SP140: variants seen among roughly 807,000 people sequenced by gnomAD.
The protein encoded by SP140 is nuclear body protein SP140.
Under a neutral mutation model 125.0 loss-of-function variants are expected in SP140, and 81 were observed. That is an observed-to-expected ratio of 0.65 (90% CI 0.54 to 0.78). The LOEUF is 0.78. Ranked by LOEUF, SP140 falls within the 30% of genes least tolerant of loss-of-function variation. The probability of loss-of-function intolerance (pLI) is 0.00; values close to 1 mark genes in which losing one functional copy is unlikely to be tolerated. For synonymous variants in SP140, 312 were observed against 354.0 expected (o/e 0.88, Z 1.33); for missense variants, 858 against 1,037.0 (o/e 0.83, Z 2.37).
chr2:230,275,678 T>C (rs1322287435), intron 15 of SP140, among the ~76,000 whole-genome samples: 1 of 152,170 alleles, frequency 6.6e-6, no homozygotes, highest in Non-Finnish European at 1.5e-5. Context: ...AAGCGTCACA[T>C]GTGTCTCACT....
upstream of SP140, chr2:230,201,022 C>T (rs1440147620): frequency 4.3e-6 from 6 of 1,380,846 alleles, no homozygotes; most frequent in Non-Finnish European, 6.2e-6. Flanking sequence ...GAGAATCTCC[C>T]AGAGACCCAG....
rs555436610 is a variant in SP140 at position 230,252,338 on chromosome 2, G to T, written c.1058-978G>T. 1.3e-3 allele frequency among the ~76,000 whole-genome samples: 202 copies of T among 152,148 alleles called. 1 individual carries two copies. The highest frequency in any genetic ancestry group is 2.3e-3 in the Non-Finnish European group (156 of 68,004). On this transcript the variant is annotated intron_variant, in intron 10 of 26. Coordinates refer to ENST00000392045, the MANE Select transcript of SP140 (RefSeq NM_007237.5). ...TTGCCTTCATAGAGTAGCATTCTAT[G>T]AAGGTGTATGAAGATATAAGTGTAT...
intron 1 of SP140, chr2:230,212,458 A>G: frequency 6.6e-7 from 1 of 1,518,936 alleles, no homozygotes; most frequent in Middle Eastern, 1.7e-4. Flanking sequence ...ATTATTACAG[A>G]TTGCAGGGAC....
intron 1 of SP140, among the ~76,000 whole-genome samples, chr2:230,235,604 C>G (rs1045294542): frequency 2.6e-5 from 4 of 152,048 alleles, no homozygotes; most frequent in African/African-American, 9.7e-5. Flanking sequence ...ATGACCATTT[C>G]CTGGTGGGAT....
At chr2:230,269,766 G>A in intron 13 of SP140, 71 bp from the exon 14 acceptor site, 1 of 1,239,752 alleles carries the variant, frequency 8.1e-7, no homozygotes, top group Non-Finnish European at 1.2e-6. Flanking sequence ...AGAAGGGGGA[G>A]CAACAAGGGT....
At chr2:230,308,587 GC>G (rs1487934066) in intron 22 of SP140, among the ~76,000 whole-genome samples, 1 of 152,248 alleles carries the variant, frequency 6.6e-6, no homozygotes, top group Non-Finnish European at 1.5e-5. Flanking sequence ...CCACATGGGG[GC>G]TGCGCTCAGG....
At chr2:230,251,243 A>G (rs745922886) in intron 10 of SP140, among the ~76,000 whole-genome samples, 182 bp downstream of exon 10, 1 of 152,238 alleles carries the variant, frequency 6.6e-6, no homozygotes, top group Non-Finnish European at 1.5e-5. Context: ...GAATCTTGAT[A>G]TAGAAGTCTG....
intron 1 of SP140, among the ~76,000 whole-genome samples, chr2:230,209,729 C>G (rs774649247): frequency 5.9e-5 from 9 of 152,144 alleles, no homozygotes; most frequent in Non-Finnish European, 1.0e-4. Context: ...TATTTCAATA[C>G]CCCCAAATGC....
upstream of SP140, among the ~76,000 whole-genome samples, chr2:230,223,710 G>A (rs1403835583): frequency 6.6e-6 from 1 of 152,194 alleles, no homozygotes; most frequent in African/African-American, 2.4e-5. Flanking sequence ...TTGGAGTTGT[G>A]GGCAAATAGG....
downstream of SP140, among the ~76,000 whole-genome samples, chr2:230,315,996 G>A (rs1471062319): frequency 1.3e-5 from 2 of 152,202 alleles, no homozygotes; most frequent in East Asian, 1.9e-4. Context: ...CAGGATGTAG[G>A]TTGAGAAGCA....
Position 230,235,878 on chromosome 2 carries a change from T to G in SP140, c.60-1205T>G, listed in dbSNP as rs921401669. 3.2e-4 allele frequency among the ~76,000 whole-genome samples: 45 copies of G among 141,096 alleles called. 1 individual carries two copies. The highest frequency in any genetic ancestry group is 1.1e-3 in the African/African-American group (42 of 37,236). 92.6% of individuals were successfully genotyped at this position (141,096 alleles called of 152,430 possible). ...GATTTTCTTGTGACTGTTTTTTTTT[T>G]TTTTTTTTTTTTTTTGAGATGGAGT... On this transcript the variant is annotated intron_variant, in intron 1 of 26. Coordinates refer to ENST00000392045, the MANE Select transcript of SP140 (RefSeq NM_007237.5).
At chr2:230,256,624 A>T (rs974102430) in intron 12 of SP140, among the ~76,000 whole-genome samples, 2 of 152,228 alleles carry the variant, frequency 1.3e-5, no homozygotes, top group Non-Finnish European at 2.9e-5. Context: ...ATACATATGT[A>T]ACAAACCTGC....
At chr2:230,207,731 C>T (rs2044026111) in intron 1 of SP140, among the ~76,000 whole-genome samples, 1 of 152,222 alleles carries the variant, frequency 6.6e-6, no homozygotes, top group Admixed American at 6.5e-5. Flanking sequence ...TGCATCTCCA[C>T]TGTCAGATCT....
chr2:230,250,137 A>G (rs1000503450), intron 9 of SP140, among the ~76,000 whole-genome samples: 3 of 152,214 alleles, frequency 2.0e-5, no homozygotes, highest in Non-Finnish European at 2.9e-5. Flanking sequence ...CTGTCAGTAA[A>G]GGGATGAATA....
chr2:230,217,245 C>CAAAAAAAA (rs6147220), intron 3 of SP140, among the ~76,000 whole-genome samples: 1 of 79,796 alleles, frequency 1.3e-5, no homozygotes, highest in South Asian at 4.7e-4. Context: ...GACTCCATCT[C>CAAAAAAAA]AAAAAAAAAA....
upstream of SP140, among the ~76,000 whole-genome samples, chr2:230,221,967 G>A (rs994374350): frequency 6.6e-6 from 1 of 152,208 alleles, no homozygotes; most frequent in Non-Finnish European, 1.5e-5. Flanking sequence ...GCTCAGGCCT[G>A]TAGCTTAGCT....
chr2:230,292,784 T>C lies in SP140; in HGVS notation c.1964T>C (p.Met655Thr). 2 of 1,614,020 alleles carry C rather than the reference T, an allele frequency of 1.2e-6. No individual in the cohort carries two copies. The highest frequency in any genetic ancestry group is 1.7e-6 in the Non-Finnish European group (2 of 1,179,998). The change falls in exon 20 of 27, where the codon ATG (methionine) becomes ACG (threonine). Residue 655 changes from methionine (M) to threonine (T), a missense_variant. Met to Thr is a moderately conservative substitution (Grantham distance 81). Coordinates refer to ENST00000392045, the MANE Select transcript of SP140 (RefSeq NM_007237.5). ...GGCGGGTGGCCCCTACGATGGCTGA[T>C]GGAGGTATTCCAATGACAAGGGGCC... is the stretch of plus-strand genomic sequence containing the variant. Reference protein sequence around the residue: ...RCGGWPLRWLMENGFLPDPPR... With the variant: ...RCGGWPLRWLTENGFLPDPPR...
At chr2:230,221,823 A>G (rs2045844640), upstream of SP140, 1 of 1,156,400 alleles carries the variant, frequency 8.6e-7, no homozygotes, top group Admixed American at 2.1e-5. Context: ...AAACAAACAA[A>G]CAAAAGTAAA....
chr2:230,301,143 G>A (rs1250721814), intron 22 of SP140, among the ~76,000 whole-genome samples: 2 of 152,118 alleles, frequency 1.3e-5, no homozygotes, highest in Non-Finnish European at 1.5e-5. Flanking sequence ...ACGAAGTTTA[G>A]GATTATGATA....
Sources: gnomAD v4.1 joint callset for allele counts (sites outside exome capture counted in the v4.1 genomes callset) on GRCh38, gnomAD v4.1.1 for gene constraint, MANE v1.5 for transcripts, NCBI Gene and HGNC (gene_info 2026-07-23, HGNC 2026-07-21) for gene names.